Variants in KSR2 observed in about 807,000 individuals in gnomAD.
KSR2 encodes the protein kinase suppressor of ras 2.
In KSR2, 25 loss-of-function variants were observed where a neutral mutation model predicts 107.8. The ratio of observed to expected loss-of-function variants is 0.23; its 90% confidence interval spans 0.17 to 0.32. The LOEUF (loss-of-function observed/expected upper bound fraction) is 0.32, where lower values mean the gene tolerates loss of function less well. Among genes scored for constraint, KSR2 ranks in the 10% least tolerant of loss-of-function variants. KSR2 has a pLI of 1.00. For synonymous variants in KSR2, 480 were observed against 507.0 expected (o/e 0.95, Z 0.71); for missense variants, 887 against 1,268.9 (o/e 0.70, Z 4.57).
chr12:117,870,582 C>T (rs1022120759), intron 1 of KSR2, among the ~76,000 whole-genome samples: 17 of 151,632 alleles, frequency 1.1e-4, no homozygotes, highest in African/African-American at 2.4e-4. Flanking sequence ...CTGGGCAAGA[C>T]GGAGCGAGAC....
intron 7 of KSR2, among the ~76,000 whole-genome samples, chr12:117,568,284 T>C (rs1878658396): frequency 1.3e-5 from 2 of 152,196 alleles, no homozygotes; most frequent in South Asian, 4.1e-4. Context: ...AAGATCCATT[T>C]GTCATCTTTC....
At chr12:117,860,238 G>C (rs1276662361) in intron 2 of KSR2, 53 bp downstream of exon 2, 2 of 1,571,520 alleles carry the variant, frequency 1.3e-6, no homozygotes, top group Non-Finnish European at 8.7e-7. Flanking sequence ...AGCAACACAG[G>C]GGGTAGCTGC....
chr12:117,794,204 CAT>C (rs1342096725), intron 3 of KSR2, among the ~76,000 whole-genome samples: 4 of 115,836 alleles, frequency 3.5e-5, no homozygotes, highest in Admixed American at 8.7e-5. Context: ...ACCATGCACA[CAT>C]ACACCAACAT....
intron 4 of KSR2, among the ~76,000 whole-genome samples, chr12:117,682,246 C>T (rs948295767): frequency 1.3e-5 from 2 of 151,862 alleles, no homozygotes; most frequent in African/African-American, 4.8e-5. Context: ...GGGAAGGGAA[C>T]AACACACACT....
intron 1 of KSR2, among the ~76,000 whole-genome samples, chr12:117,947,187 A>AAAAG (rs1325474498): frequency 1.9e-5 from 2 of 102,654 alleles, no homozygotes; most frequent in South Asian, 3.3e-4. Flanking sequence ...AGAAAGAAAG[A>AAAAG]AAAGAAAGAA....
chr12:117,568,655 T>C (rs1037197791), intron 7 of KSR2, among the ~76,000 whole-genome samples: 2 of 152,066 alleles, frequency 1.3e-5, no homozygotes, highest in African/African-American at 4.8e-5. Flanking sequence ...TTAAATGAGA[T>C]CATGCATGTA....
At chr12:117,635,469 C>A (rs17510790) in intron 5 of KSR2, among the ~76,000 whole-genome samples, 10,269 of 151,894 alleles carry the variant, frequency 0.068, 438 homozygotes, top group Middle Eastern at 0.12. Flanking sequence ...GATTGCCAGT[C>A]AATGAAGCCA....
At chr12:117,640,114 T>C (rs1883289575) in intron 5 of KSR2, among the ~76,000 whole-genome samples, 1 of 152,160 alleles carries the variant, frequency 6.6e-6, no homozygotes, top group African/African-American at 2.4e-5. Flanking sequence ...TCAATATGCA[T>C]TCCATCATGG....
At position 117,627,025 on chromosome 12, in the gene KSR2, C is replaced by CTTT. The variant is rs201042072; in HGVS notation, c.1171+40446_1171+40448dup. 7.3e-3 allele frequency among the ~76,000 whole-genome samples: 1,053 copies of CTTT among 144,724 alleles called. 9 individuals are homozygous for CTTT. The highest frequency in any genetic ancestry group is 0.024 in the African/African-American group (943 of 39,828). 94.9% of individuals were successfully genotyped at this position (144,724 alleles called of 152,430 possible). On this transcript the variant is annotated intron_variant, in intron 5 of 19. Coordinates refer to ENST00000339824, the MANE Select transcript of KSR2 (RefSeq NM_173598.6). Reference sequence around the variant, plus strand: ...TCAGAAACCAGGATTGCAACCCCTGCTTTTTTTTTTTGCTTTCCATTTGCT... The same window carrying CTTT: ...TCAGAAACCAGGATTGCAACCCCTGCTTTTTTTTTTTTTTGCTTTCCATTTGCT...
intron 3 of KSR2, among the ~76,000 whole-genome samples, chr12:117,853,970 A>G (rs1219206191): frequency 6.6e-6 from 1 of 152,122 alleles, no homozygotes; most frequent in African/African-American, 2.4e-5. Flanking sequence ...AACATCCTTC[A>G]ACACATAAGA....
intron 4 of KSR2, among the ~76,000 whole-genome samples, chr12:117,709,106 G>T (rs1488806866): frequency 6.6e-6 from 1 of 151,958 alleles, no homozygotes; most frequent in Admixed American, 6.6e-5. Context: ...ACACACCTGC[G>T]AAGTCCCTTT....
rs150669933 is a variant in KSR2, at chr12:117,491,561, T to C, written c.2220-5870A>G. 1.5e-3 allele frequency among the ~76,000 whole-genome samples: 225 copies of C among 152,264 alleles called. 1 individual carries two copies. Among genetic ancestry groups the C allele is most frequent in the African/African-American group, 5.1e-3 (213 of 41,556 alleles). On this transcript the variant is annotated intron_variant, in intron 14 of 19. Coordinates refer to ENST00000339824, the MANE Select transcript of KSR2 (RefSeq NM_173598.6). ...ATTCATGTTGTCACACACGATAGGA[T>C]TTCCTTCTTTTTTTAAGGCTGAATA...
intron 14 of KSR2, among the ~76,000 whole-genome samples, chr12:117,512,274 G>C (rs1331569013): frequency 6.6e-6 from 1 of 152,134 alleles, no homozygotes; most frequent in African/African-American, 2.4e-5. Flanking sequence ...CCCCTTGCTG[G>C]ACACTGAGTG....
chr12:117,599,970 C>T (rs10850852), intron 5 of KSR2, among the ~76,000 whole-genome samples: 52,258 of 152,018 alleles, frequency 0.34, 10,135 homozygotes, highest in African/African-American at 0.52. Flanking sequence ...TTAAGCCTGT[C>T]ACTCCTGTAG....
intron 14 of KSR2, among the ~76,000 whole-genome samples, chr12:117,496,003 G>A (rs558050329): frequency 2.0e-5 from 3 of 148,588 alleles, no homozygotes; most frequent in South Asian, 2.1e-4. Context: ...GCAGTGAGCC[G>A]AGATTGCACC....
At chr12:117,726,167 C>CA (rs370372369) in intron 4 of KSR2, among the ~76,000 whole-genome samples, 99 of 150,080 alleles carry the variant, frequency 6.6e-4, no homozygotes, top group African/African-American at 2.1e-3. Flanking sequence ...GACTCCATCT[C>CA]AAAAAAAACA....
intron 4 of KSR2, among the ~76,000 whole-genome samples, chr12:117,673,838 C>G (rs1000616858): frequency 2.0e-5 from 3 of 152,222 alleles, no homozygotes; most frequent in Non-Finnish European, 4.4e-5. Flanking sequence ...ACACAGATGT[C>G]TCATCTGGAA....
intron 14 of KSR2, among the ~76,000 whole-genome samples, chr12:117,513,001 G>T (rs1874128090): frequency 6.6e-6 from 1 of 152,042 alleles, no homozygotes; most frequent in African/African-American, 2.4e-5. Context: ...GATTTCTGTA[G>T]TTCACCGCCC....
chr12:117,890,110 T>C (rs1894295212), intron 1 of KSR2, among the ~76,000 whole-genome samples: 1 of 152,248 alleles, frequency 6.6e-6, no homozygotes, highest in African/African-American at 2.4e-5. Flanking sequence ...TCCCAGGTGA[T>C]GCTGATGCTG....
Sources: allele counts gnomAD v4.1 joint callset (sites outside exome capture counted in the v4.1 genomes callset), GRCh38; gene constraint gnomAD v4.1.1; transcripts MANE v1.5; gene names NCBI Gene and HGNC (gene_info 2026-07-23, HGNC 2026-07-21).